MAD1L1: variants seen among roughly 807,000 people sequenced by gnomAD.
MAD1L1 encodes mitotic spindle assembly checkpoint protein MAD1.
MAD1L1 carries 95 observed loss-of-function variants against 96.9 expected under a neutral mutation model. The ratio of observed to expected loss-of-function variants is 0.98; its 90% confidence interval spans 0.83 to 1.16. MAD1L1 has a LOEUF of 1.16. MAD1L1 is among the 50% of genes most tolerant of loss of function. The pLI, the probability that MAD1L1 is intolerant of heterozygous loss-of-function variation, is 0.00. For synonymous variants in MAD1L1, 473 were observed against 396.6 expected, an observed-to-expected ratio of 1.19 and a Z score of -2.29; for missense variants, 1,007 against 954.4, an observed-to-expected ratio of 1.06 and a Z score of -0.73.
At chr7:2,016,542 G>C (rs1277975894) in intron 12 of MAD1L1, among the ~76,000 whole-genome samples, 2 of 152,226 alleles carry the variant, frequency 1.3e-5, no homozygotes, top group Non-Finnish European at 2.9e-5. Context: ...GTGCTCCCCA[G>C]CACTGATGAC....
chr7:2,046,874 C>T (rs533766904), intron 12 of MAD1L1, among the ~76,000 whole-genome samples: 40 of 152,324 alleles, frequency 2.6e-4, no homozygotes, highest in African/African-American at 8.4e-4. Flanking sequence ...TGTGCCCACA[C>T]GCACAGTGCC....
intron 14 of MAD1L1, among the ~76,000 whole-genome samples, chr7:1,993,114 G>T (rs111720543): frequency 1.8e-4 from 27 of 152,308 alleles, no homozygotes; most frequent in Admixed American, 8.5e-4. Flanking sequence ...ATGCACGGGG[G>T]ACTTCACTGC....
intron 10 of MAD1L1, among the ~76,000 whole-genome samples, chr7:2,211,721 G>A (rs779189103): frequency 3.3e-5 from 5 of 152,248 alleles, no homozygotes; most frequent in Non-Finnish European, 7.3e-5. Context: ...CCCGGGCCGT[G>A]CTCTGACTTA....
At chr7:2,141,169 A>G (rs1789011365) in intron 11 of MAD1L1, among the ~76,000 whole-genome samples, 1 of 152,368 alleles carries the variant, frequency 6.6e-6, no homozygotes, top group South Asian at 2.1e-4. Context: ...GGGAGGGAAC[A>G]GGTTCAGACA....
chr7:1,854,245 GTGTTGGGTAC>G, intron 18 of MAD1L1: 18 of 359,708 alleles, frequency 5.0e-5, no homozygotes, highest in South Asian at 3.5e-4. Flanking sequence ...CGGTGCCTCG[GTGTTGGGTAC>G]TGAGCCCGCT....
At chr7:1,936,388 T>TACATATAAACTGACAAATGATAC (rs1778606367) in intron 17 of MAD1L1, among the ~76,000 whole-genome samples, 1 of 152,136 alleles carries the variant, frequency 6.6e-6, no homozygotes, top group African/African-American at 2.4e-5. Context: ...ATTAATGGGG[T>TACATATAAACTGACAAATGATAC]ACATATAAAC....
intron 18 of MAD1L1, among the ~76,000 whole-genome samples, chr7:1,887,743 G>C (rs538448180): frequency 6.6e-6 from 1 of 151,162 alleles, no homozygotes; most frequent in Non-Finnish European, 1.5e-5. Context: ...GTGGCTTCCT[G>C]TGCATGTGTC....
chr7:2,047,932 G>A (rs1333018680), intron 12 of MAD1L1, among the ~76,000 whole-genome samples: 2 of 152,018 alleles, frequency 1.3e-5, no homozygotes, highest in African/African-American at 4.8e-5. Flanking sequence ...ACACAGATGT[G>A]CATGCACAGC....
At chr7:2,105,171 G>A (rs982907844) in intron 11 of MAD1L1, among the ~76,000 whole-genome samples, 1 of 152,030 alleles carries the variant, frequency 6.6e-6, no homozygotes, top group African/African-American at 2.4e-5. Context: ...ACACCGCACC[G>A]TCCTGCTTGG....
intron 11 of MAD1L1, among the ~76,000 whole-genome samples, chr7:2,085,407 C>T (rs767139485): frequency 9.2e-5 from 14 of 152,248 alleles, no homozygotes; most frequent in Admixed American, 2.6e-4. Flanking sequence ...ATGTAGCTGT[C>T]CCTGCCTGCA....
At chr7:1,842,057 T>C (rs1239175366) in intron 18 of MAD1L1, among the ~76,000 whole-genome samples, 1 of 152,228 alleles carries the variant, frequency 6.6e-6, no homozygotes, top group East Asian at 1.9e-4. Context: ...TTTTTCGTCT[T>C]TGGCAGGGCT....
At chr7:2,000,677 G>A (rs531854425) in intron 14 of MAD1L1, among the ~76,000 whole-genome samples, 2 of 152,204 alleles carry the variant, frequency 1.3e-5, no homozygotes, top group African/African-American at 4.8e-5. Flanking sequence ...TACTCACTTG[G>A]CAACAGTGTG....
intron 15 of MAD1L1, among the ~76,000 whole-genome samples, chr7:1,973,653 C>G (rs956830703): frequency 4.6e-5 from 7 of 152,192 alleles, no homozygotes; most frequent in Admixed American, 3.9e-4. Context: ...CCACCACGGA[C>G]AGGAGGCATG....
intron 17 of MAD1L1, among the ~76,000 whole-genome samples, chr7:1,922,080 C>T (rs375198421): frequency 1.8e-4 from 27 of 152,346 alleles, no homozygotes; most frequent in African/African-American, 5.8e-4. Context: ...GCAGCTCTGA[C>T]GATGGAGGGA....
At chr7:1,946,064 T>C (rs1411379689) in intron 16 of MAD1L1, among the ~76,000 whole-genome samples, 2 of 152,166 alleles carry the variant, frequency 1.3e-5, no homozygotes, top group Non-Finnish European at 2.9e-5. Flanking sequence ...CAGCGGGTTG[T>C]ACACTGGGGC....
At chr7:1,821,923 G>C (rs1392881420) in intron 18 of MAD1L1, among the ~76,000 whole-genome samples, 1 of 152,136 alleles carries the variant, frequency 6.6e-6, no homozygotes, top group Non-Finnish European at 1.5e-5. Flanking sequence ...TCACGCCAGG[G>C]CATGCAGGTA....
chr7:1,936,944 G>T (rs184919339), intron 16 of MAD1L1, 47 bp from the exon 17 acceptor site: 3 of 1,460,116 alleles, frequency 2.1e-6, no homozygotes, highest in Non-Finnish European at 1.9e-6. Flanking sequence ...AGGCACACAC[G>T]CAGCACGGGT....
chr7:2,136,499 A>C (rs1788758802), intron 11 of MAD1L1, among the ~76,000 whole-genome samples: 1 of 152,218 alleles, frequency 6.6e-6, no homozygotes, highest in Non-Finnish European at 1.5e-5. Context: ...CAAGTTTCCT[A>C]ACAGGATCGA....
At position 2,052,969 on chromosome 7, in the gene MAD1L1, C is replaced by T. The variant is rs548862298; in HGVS notation, c.1218+16225G>A. ...AGAGCTGCCCCAAGTCCCGGGACAG[C>T]GGAGGCTCCTCCACCAGCCTGAGGA... On this transcript the variant is annotated intron_variant, in intron 12 of 18. Coordinates refer to ENST00000265854, the MANE Select transcript of MAD1L1 (RefSeq NM_001013836.2). Among the ~76,000 whole-genome samples, 39 of 152,252 alleles carry T rather than the reference C, an allele frequency of 2.6e-4. 2 individuals carry two copies. In the East Asian group the frequency reaches 4.5e-3, roughly 17 times the overall value.
Sources: gnomAD v4.1 joint callset for allele counts (sites outside exome capture counted in the v4.1 genomes callset) on GRCh38, gnomAD v4.1.1 for gene constraint, MANE v1.5 for transcripts, NCBI Gene and HGNC (gene_info 2026-07-23, HGNC 2026-07-21) for gene names.